Variants in FAT3 observed in about 807,000 individuals in gnomAD.
FAT3 encodes FAT atypical cadherin 3.
In FAT3, 95 loss-of-function variants were observed where a neutral mutation model predicts 310.2. The observed-to-expected ratio is 0.31, with a 90% confidence interval of 0.26 to 0.36. FAT3 has a LOEUF of 0.36. Among genes scored for constraint, FAT3 ranks in the 10% least tolerant of loss-of-function variants. The probability of loss-of-function intolerance (pLI) is 1.00; values close to 1 mark genes in which losing one functional copy is unlikely to be tolerated. For synonymous variants in FAT3, 2,314 were observed against 2,192.9 expected (o/e 1.06, Z -1.54); for missense variants, 5,408 against 5,715.6 (o/e 0.95, Z 1.74).
At chr11:92,670,276 A>C (rs765864283) in intron 3 of FAT3, among the ~76,000 whole-genome samples, 1 of 152,136 alleles carries the variant, frequency 6.6e-6, no homozygotes, top group Non-Finnish European at 1.5e-5. Context: ...TTTTGTTGAA[A>C]TAACTGTTTT....
intron 1 of FAT3, among the ~76,000 whole-genome samples, chr11:92,255,301 TTTAA>T (rs2134288490): frequency 6.6e-6 from 1 of 151,848 alleles, no homozygotes; most frequent in East Asian, 2.0e-4. Flanking sequence ...TTAAAAATGT[TTTAA>T]TTAATTAGAT....
intron 9 of FAT3, among the ~76,000 whole-genome samples, chr11:92,793,321 G>C (rs536508555): frequency 6.6e-6 from 1 of 152,216 alleles, no homozygotes; most frequent in South Asian, 2.1e-4. Context: ...GCCGCCCGCC[G>C]ATCATCTGAG....
intron 2 of FAT3, among the ~76,000 whole-genome samples, chr11:92,388,429 T>A (rs1297571385): frequency 6.6e-6 from 1 of 152,214 alleles, no homozygotes; most frequent in African/African-American, 2.4e-5. Context: ...TGGGTTAAGA[T>A]CTTTCCTGGA....
At chr11:92,731,050 T>C (rs1945161740) in intron 4 of FAT3, among the ~76,000 whole-genome samples, 1 of 152,180 alleles carries the variant, frequency 6.6e-6, no homozygotes, top group Non-Finnish European at 1.5e-5. Flanking sequence ...CTTGCATTTA[T>C]TGAAGCAAAA....
intron 2 of FAT3, among the ~76,000 whole-genome samples, chr11:92,392,928 C>A (rs1200551714): frequency 6.6e-6 from 1 of 152,076 alleles, no homozygotes; most frequent in Non-Finnish European, 1.5e-5. Flanking sequence ...TGACAGGGAG[C>A]TTTGGGAATC....
In FAT3 at chr11:92,880,761, C is replaced by T. The variant is rs374936839; in HGVS notation, c.12158C>T (p.Thr4053Met). ...CAGTGTACCTGTCTCTCACAGTTTA[C>T]GGGGAGAAACTGTGAATCTGAGATT... ...GYQCTCLSQF[T>M]GRNCESEITA... The change falls in exon 23 of 28, where the codon ACG (threonine) becomes ATG (methionine). Residue 4053 changes from threonine to methionine, a missense_variant. By Grantham distance (81) the Thr-to-Met change is moderately conservative. This residue lies in a region of FAT3 where 14 missense variants were observed against 34.4 expected (regional missense o/e 0.41). Coordinates refer to ENST00000525166, the MANE Select transcript of FAT3 (RefSeq NM_001367949.2). The T allele has an allele frequency of 2.2e-5, 35 of 1,613,672 alleles. No individual in the cohort carries two copies. Among genetic ancestry groups the T allele is most frequent in the African/African-American group, 6.7e-5 (5 of 74,882 alleles).
At chr11:92,310,619 A>T (rs1169481165) in intron 1 of FAT3, among the ~76,000 whole-genome samples, 2 of 152,046 alleles carry the variant, frequency 1.3e-5, no homozygotes, top group Non-Finnish European at 2.9e-5. Context: ...TAGTGTATTC[A>T]TTACCTGAAA....
At chr11:92,852,986 A>T (rs1312526090) in intron 19 of FAT3, among the ~76,000 whole-genome samples, 1 of 152,148 alleles carries the variant, frequency 6.6e-6, no homozygotes, top group African/African-American at 2.4e-5. Context: ...TCCAGCTGAA[A>T]ACCTCTATGG....
intron 3 of FAT3, among the ~76,000 whole-genome samples, chr11:92,643,217 G>A (rs914092731): frequency 6.6e-6 from 1 of 152,064 alleles, no homozygotes; most frequent in Non-Finnish European, 1.5e-5. Flanking sequence ...CAGATACTGT[G>A]GTCTTGCCCT....
intron 1 of FAT3, among the ~76,000 whole-genome samples, chr11:92,239,900 A>G (rs1243734068): frequency 6.6e-6 from 1 of 152,064 alleles, no homozygotes; most frequent in East Asian, 1.9e-4. Context: ...GTCATTACTA[A>G]AAGGCTTCCT....
At chr11:92,709,414 A>C (rs1025312021) in intron 4 of FAT3, among the ~76,000 whole-genome samples, 8 of 152,172 alleles carry the variant, frequency 5.3e-5, no homozygotes, top group Non-Finnish European at 1.0e-4. Context: ...GGGTAGTTTC[A>C]AACTCCGCCT....
At chr11:92,416,945 C>T (rs1950430580) in intron 2 of FAT3, among the ~76,000 whole-genome samples, 1 of 152,112 alleles carries the variant, frequency 6.6e-6, no homozygotes, top group Admixed American at 6.5e-5. Context: ...AGGCAGTATC[C>T]TAGGGCATTT....
At chr11:92,573,806 C>G (rs1032814184) in intron 3 of FAT3, among the ~76,000 whole-genome samples, 1 of 152,082 alleles carries the variant, frequency 6.6e-6, no homozygotes, top group Non-Finnish European at 1.5e-5. Context: ...CTGCCAACAC[C>G]TTGGTTTTGG....
chr11:92,681,293 G>T (rs193238285), intron 3 of FAT3, among the ~76,000 whole-genome samples: 25 of 152,306 alleles, frequency 1.6e-4, no homozygotes, highest in African/African-American at 6.0e-4. Flanking sequence ...GAGACTTTAG[G>T]TGATGTAAGC....
intron 3 of FAT3, among the ~76,000 whole-genome samples, chr11:92,534,012 C>A (rs1266924427): frequency 6.6e-6 from 1 of 152,160 alleles, no homozygotes; most frequent in East Asian, 1.9e-4. Context: ...ATTTCCACAG[C>A]AGTAATTTAC....
chr11:92,699,707 T>C (rs780974180), intron 4 of FAT3, among the ~76,000 whole-genome samples: 2 of 152,206 alleles, frequency 1.3e-5, no homozygotes, highest in Non-Finnish European at 2.9e-5. Context: ...AACTTGTATC[T>C]GGTATCATCT....
chr11:92,522,067 G>A (rs1953704021), intron 2 of FAT3, among the ~76,000 whole-genome samples: 1 of 152,158 alleles, frequency 6.6e-6, no homozygotes, highest in Non-Finnish European at 1.5e-5. Flanking sequence ...CCTGTAAACT[G>A]AATGGACAGG....
In FAT3 at chr11:92,815,429, C is replaced by T. The variant is rs568693409; in HGVS notation, c.9481+5353C>T. Among the ~76,000 whole-genome samples, 16 of 151,968 alleles carry T rather than the reference C, an allele frequency of 1.1e-4. No individual in the cohort carries two copies. In the South Asian group the frequency reaches 1.9e-3, roughly 18 times the overall value. On this transcript the variant is annotated intron_variant, in intron 13 of 27. Transcript: ENST00000525166. ...TCTACTAAAAATACAAAAAATTCGC[C>T]GGGCGTGGCAGTGGGCACCTGTAGT... is the stretch of plus-strand genomic sequence containing the variant.
At chr11:92,621,554 C>T (rs1041246446) in intron 3 of FAT3, among the ~76,000 whole-genome samples, 5 of 152,188 alleles carry the variant, frequency 3.3e-5, no homozygotes, top group African/African-American at 7.2e-5. Context: ...TGATCTGGCT[C>T]ACTTCTTCCA....
Sources: gnomAD v4.1 joint callset for allele counts (sites outside exome capture counted in the v4.1 genomes callset) on GRCh38, gnomAD v4.1.1 for gene constraint, gnomAD v4.1.1 regional missense constraint, MANE v1.5 for transcripts, NCBI Gene and HGNC (gene_info 2026-07-23, HGNC 2026-07-21) for gene names.